The following IL18RAP variants were observed in gnomAD, a reference collection of about 807,000 sequenced individuals.
The protein encoded by IL18RAP is interleukin 18 receptor accessory protein, also known as interleukin-18 receptor accessory protein.
A neutral mutation model predicts 58.1 loss-of-function variants in IL18RAP; 37 were observed. The observed-to-expected ratio is 0.64, with a 90% CI of 0.49 to 0.84. IL18RAP has a LOEUF of 0.84. Among genes scored for constraint, IL18RAP ranks in the 40% least tolerant of loss-of-function variants. IL18RAP has a pLI of 0.00. For synonymous variants in IL18RAP, 268 were observed against 257.5 expected (o/e 1.04, Z -0.39); for missense variants, 667 against 704.8 (o/e 0.95, Z 0.61).
rs1488234424 is a variant in IL18RAP, at chr2:102,447,227, C to G, written c.1210+20C>G. The stretch of plus-strand genomic sequence containing the variant: ...TTGGGGGTAAGTTTACCTCCACATG[C>G]AGCCCTCTGACTTTTCCTCTGGGAA... On this transcript the variant is annotated intron_variant, in intron 8 of 9. Transcript: ENST00000687160. 3.2e-5 allele frequency: 51 copies of G among 1,609,662 alleles called. No individual in the cohort carries two copies. The Admixed American group carries it at 8.2e-4, about 26-fold the overall frequency.
At chr2:102,426,998 C>T (rs1177717450) in intron 3 of IL18RAP, among the ~76,000 whole-genome samples, 2 of 152,112 alleles carry the variant, frequency 1.3e-5, no homozygotes, top group African/African-American at 4.8e-5. Context: ...TATGAGTGAG[C>T]TCTTGCAGCA....
In IL18RAP at chr2:102,437,572, T is replaced by A. The variant is rs565853517; in HGVS notation, c.730+210T>A. On this transcript the variant is annotated intron_variant, in intron 4 of 9. Transcript: ENST00000687160. ...CAGTTTCAAATTCTCACAAGTTGGG[T>A]TGTCCATGAATATGTCCCTGATTTG... Among the ~76,000 whole-genome samples the A allele has an allele frequency of 2.6e-5, 4 of 152,348 alleles. No individual in the cohort carries two copies. In the South Asian group the frequency reaches 6.2e-4, roughly 24 times the overall value.
At chr2:102,418,734 C>T (rs1681393676), upstream of IL18RAP, 1 of 152,280 alleles carries the variant, frequency 6.6e-6, no homozygotes, top group Admixed American at 6.5e-5. Flanking sequence ...CTTTTTCCTC[C>T]AGTTATAATC....
intron 7 of IL18RAP, among the ~76,000 whole-genome samples, chr2:102,445,626 A>C (rs113276526): frequency 5.3e-5 from 8 of 152,346 alleles, no homozygotes; most frequent in African/African-American, 1.9e-4. Flanking sequence ...TCACGCATTC[A>C]TTCTACAATA....
Position 102,424,426 on chromosome 2 carries a change from T to C in IL18RAP, c.579+12T>C. ...TAACCTGGTACAAGGTAAGAGTGAA[T>C]TCTCTAAAATTAATATAAGAGCATT... On this transcript the variant is annotated intron_variant, in intron 3 of 9. Coordinates refer to ENST00000687160, the MANE Select transcript of IL18RAP (RefSeq NM_001393487.1). 1.2e-6 allele frequency: 2 copies of C among 1,603,522 alleles called. No individual in the cohort carries two copies. Among genetic ancestry groups the C allele is most frequent in the Non-Finnish European group, 8.5e-7 (1 of 1,174,054 alleles).
intron 5 of IL18RAP, 62 bp from the exon 6 acceptor site, chr2:102,443,138 G>C: frequency 6.5e-7 from 1 of 1,535,924 alleles, no homozygotes; most frequent in South Asian, 1.2e-5. Flanking sequence ...CTTCCTCCCA[G>C]ATGTAGGACA....
intron 3 of IL18RAP, among the ~76,000 whole-genome samples, chr2:102,425,568 A>G (rs781011290): frequency 6.6e-6 from 1 of 152,158 alleles, no homozygotes; most frequent in Admixed American, 6.5e-5. Flanking sequence ...CTTTAAAATG[A>G]GGTTAGTAAG....
rs1292641389 is a variant in IL18RAP, at chr2:102,451,785, G to A, written c.1404G>A (p.Val468=). ...TTCCAGTGTATGCAGAAGACATTGT[G>A]AGCATTATTAAGAGAAGCAGAAGAG... is the stretch of plus-strand genomic sequence containing the variant. ...APGGVYAEDI[V]SIIKRSRRGI... The change falls in exon 10 of 10, where the codon GTG becomes GTA. Residue 468 remains valine (V), a synonymous_variant. Coordinates refer to ENST00000687160, the MANE Select transcript of IL18RAP (RefSeq NM_001393487.1). 1 of 1,612,056 alleles carries A rather than the reference G, an allele frequency of 6.2e-7. No individual in the cohort carries two copies. The highest frequency in any genetic ancestry group is 8.5e-7 in the Non-Finnish European group (1 of 1,178,564).
At chr2:102,430,522 T>C (rs979802883) in intron 3 of IL18RAP, among the ~76,000 whole-genome samples, 6 of 152,074 alleles carry the variant, frequency 3.9e-5, no homozygotes, top group African/African-American at 1.4e-4. Flanking sequence ...ATATTGTAAA[T>C]GGTTTGATTA....
At chr2:102,420,988 G>C (rs1308984283), upstream of IL18RAP, among the ~76,000 whole-genome samples, 1 of 152,200 alleles carries the variant, frequency 6.6e-6, no homozygotes. Flanking sequence ...TGGGATATCT[G>C]CTCTTCAGGA....
chr2:102,443,818 G>A (rs991766651), intron 6 of IL18RAP, among the ~76,000 whole-genome samples: 1 of 152,188 alleles, frequency 6.6e-6, no homozygotes, highest in African/African-American at 2.4e-5. Flanking sequence ...GCTCAGAGGA[G>A]GGCTCTCTGT....
chr2:102,447,437 G>T (rs555659280), intron 8 of IL18RAP, among the ~76,000 whole-genome samples: 104 of 152,268 alleles, frequency 6.8e-4, no homozygotes, highest in African/African-American at 2.3e-3. Flanking sequence ...CCTTCCTCCA[G>T]GTCTAGTGAC....
chr2:102,432,114 C>T (rs1029476016), intron 3 of IL18RAP, among the ~76,000 whole-genome samples: 16 of 152,042 alleles, frequency 1.1e-4, no homozygotes, highest in Admixed American at 1.0e-3. Context: ...GCCTGGGATT[C>T]CAGGTGGGCT....
intron 1 of IL18RAP, among the ~76,000 whole-genome samples, 170 bp from the exon 2 acceptor site, chr2:102,423,641 C>G (rs540991678): frequency 6.6e-6 from 1 of 152,224 alleles, no homozygotes; most frequent in Non-Finnish European, 1.5e-5. Flanking sequence ...CTGGAGTCCA[C>G]TGGGAGGGAA....
chr2:102,437,437 T>C (rs1682824263), intron 4 of IL18RAP, 75 bp downstream of exon 4: 3 of 1,462,276 alleles, frequency 2.1e-6, no homozygotes, highest in Non-Finnish European at 2.8e-6. Context: ...CTTAGTAAGT[T>C]TTTCCTCTTA....
chr2:102,451,367 G>A lies in IL18RAP; in HGVS notation c.1384+346G>A, dbSNP rs1287915419. On this transcript the variant is annotated intron_variant, in intron 9 of 9. Transcript: ENST00000687160. ...CTCTGCCTTCCACAAAGCTCACTCA[G>A]CACTGGGTCAAGCAGGCTTCTCAGG... Among the ~76,000 whole-genome samples, 3 of 152,318 alleles carry A rather than the reference G, an allele frequency of 2.0e-5. No individual in the cohort carries two copies. In the East Asian group the frequency reaches 5.8e-4, roughly 29 times the overall value.
intron 1 of IL18RAP, 122 bp from the exon 2 acceptor site, chr2:102,423,689 G>T: frequency 4.0e-6 from 3 of 756,498 alleles, no homozygotes; most frequent in Non-Finnish European, 6.5e-6. Flanking sequence ...AAAATAGACA[G>T]TGAAGAAGAA....
intron 3 of IL18RAP, among the ~76,000 whole-genome samples, chr2:102,424,695 C>T (rs769579040): frequency 6.6e-6 from 1 of 152,190 alleles, no homozygotes; most frequent in Non-Finnish European, 1.5e-5. Context: ...AACCTACTAA[C>T]ATCTGCTAAT....
rs774464624 is a variant in IL18RAP at position 102,441,382 on chromosome 2, G to T, written c.796+5G>T. 1 of 1,612,258 alleles carries T rather than the reference G, an allele frequency of 6.2e-7. No individual in the cohort carries two copies. Among genetic ancestry groups the T allele is most frequent in the East Asian group, 2.2e-5 (1 of 44,852 alleles). The stretch of plus-strand genomic sequence containing the variant: ...ACACACTGGAAGTAGAACTTGGTAA[G>T]CTGGGCCTCATCGCCTTTGAATGAC... On this transcript the variant is annotated splice_donor_5th_base_variant and intron_variant, in intron 5 of 9. Transcript: ENST00000687160.
Sources: gnomAD v4.1 joint callset for allele counts (sites outside exome capture counted in the v4.1 genomes callset) on GRCh38, gnomAD v4.1.1 for gene constraint, MANE v1.5 for transcripts, NCBI Gene and HGNC (gene_info 2026-07-23, HGNC 2026-07-21) for gene names.